ASB3: variants seen among roughly 807,000 people sequenced by gnomAD.
The protein encoded by ASB3 is ankyrin repeat and SOCS box protein 3.
Under a neutral mutation model 54.5 loss-of-function variants are expected in ASB3, and 41 were observed. That is an observed-to-expected ratio of 0.75 (90% confidence interval 0.59 to 0.98). ASB3 has a LOEUF of 0.98. Ranked by LOEUF, ASB3 falls within the 50% of genes least tolerant of loss-of-function variation. The pLI, the probability that ASB3 is intolerant of heterozygous loss-of-function variation, is 0.00. For missense variants in ASB3, 733 were observed against 620.0 expected, an observed-to-expected ratio of 1.18 and a Z score of -1.94; for synonymous variants, 266 against 221.2, an observed-to-expected ratio of 1.20 and a Z score of -1.80.
At chr2:53,717,177 T>C (rs866008068) in intron 5 of ASB3, among the ~76,000 whole-genome samples, 1 of 152,188 alleles carries the variant, frequency 6.6e-6, no homozygotes, top group African/African-American at 2.4e-5. Context: ...CAATCCCTCC[T>C]CCAACAAGCA....
chr2:53,774,376 G>A, intron 1 of ASB3: 1 of 1,613,386 alleles, frequency 6.2e-7, no homozygotes, highest in East Asian at 2.2e-5. Flanking sequence ...TAATGCAGCT[G>A]GTCCAAGTGG....
At chr2:53,785,678 A>C (rs1045566515) in intron 1 of ASB3, among the ~76,000 whole-genome samples, 6 of 152,038 alleles carry the variant, frequency 3.9e-5, no homozygotes, top group African/African-American at 1.5e-4. Flanking sequence ...CCCTGCCTCT[A>C]CTAAAAATAC....
intron 1 of ASB3, among the ~76,000 whole-genome samples, chr2:53,773,155 T>C (rs1674064716): frequency 6.6e-6 from 1 of 152,192 alleles, no homozygotes; most frequent in Non-Finnish European, 1.5e-5. Context: ...ATCTTCAAAT[T>C]GGTAACTTAT....
chr2:53,784,378 T>A (rs1488225914), intron 1 of ASB3, among the ~76,000 whole-genome samples: 1 of 152,090 alleles, frequency 6.6e-6, no homozygotes, highest in Admixed American at 6.6e-5. Context: ...TCTAAACTGG[T>A]TGAGACTTGT....
intron 7 of ASB3, among the ~76,000 whole-genome samples, chr2:53,706,163 A>G (rs79159850): frequency 0.1 from 15,663 of 152,258 alleles, 968 homozygotes; most frequent in Non-Finnish European, 0.14. Flanking sequence ...AATGAAGTGA[A>G]ATACCCAAAG....
chr2:53,699,214 G>T (rs1190326931), intron 8 of ASB3, among the ~76,000 whole-genome samples: 1 of 152,052 alleles, frequency 6.6e-6, no homozygotes. Context: ...TCCCATCACT[G>T]GGGCACCATC....
intron 1 of ASB3, chr2:53,767,753 T>C (rs1167670399): frequency 5.9e-6 from 6 of 1,022,444 alleles, no homozygotes; most frequent in East Asian, 5.2e-5. Flanking sequence ...AAACTCCCAG[T>C]GCGCTTTGCG....
At chr2:53,682,021 A>T (rs1184051854) in intron 9 of ASB3, among the ~76,000 whole-genome samples, 1 of 151,990 alleles carries the variant, frequency 6.6e-6, no homozygotes, top group East Asian at 1.9e-4. Context: ...TTAGCCAGGC[A>T]TGGTGGCACA....
chr2:53,674,910 G>C (rs1042187031), intron 9 of ASB3, among the ~76,000 whole-genome samples: 1 of 151,992 alleles, frequency 6.6e-6, no homozygotes, highest in African/African-American at 2.4e-5. Context: ...AAAACAATAG[G>C]AATGGCCAGT....
chr2:53,752,764 G>T (rs142983884), intron 2 of ASB3, among the ~76,000 whole-genome samples: 1 of 152,304 alleles, frequency 6.6e-6, no homozygotes, highest in East Asian at 1.9e-4. Flanking sequence ...ATGTCTTAAA[G>T]TTAGAAAAAG....
At chr2:53,774,083 T>C in intron 1 of ASB3, 1 of 1,477,514 alleles carries the variant, frequency 6.8e-7, no homozygotes, top group Non-Finnish European at 9.1e-7. Context: ...ATCACAACCT[T>C]TCTTCACCTA....
In ASB3 at chr2:53,708,363, T is replaced by C. The variant is rs116741936; in HGVS notation, c.980+6021A>G. 1.1e-3 allele frequency among the ~76,000 whole-genome samples: 167 copies of C among 152,368 alleles called. 2 individuals carry two copies. The highest frequency in any genetic ancestry group is 3.8e-3 in the African/African-American group (160 of 41,594). On this transcript the variant is annotated intron_variant, in intron 7 of 9. Transcript: ENST00000263634. ...AAAAGCTGAGCAGACACCAACATCA[T>C]GGTTCCTGTACAACCTGTGGAACTA...
chr2:53,670,758 A>T (rs1667769014), intron 9 of ASB3, 68 bp from the exon 10 acceptor site: 4 of 1,500,224 alleles, frequency 2.7e-6, no homozygotes, highest in Non-Finnish European at 3.6e-6. Flanking sequence ...ATAAAGGTAA[A>T]TTTTTTTTTC....
intron 5 of ASB3, among the ~76,000 whole-genome samples, chr2:53,721,224 A>G (rs1670689096): frequency 6.6e-6 from 1 of 151,668 alleles, no homozygotes; most frequent in Admixed American, 6.6e-5. Flanking sequence ...AATCAATACC[A>G]AGAAGATCTT....
chr2:53,756,205 TA>T (rs1672816285), intron 2 of ASB3, among the ~76,000 whole-genome samples: 1 of 151,964 alleles, frequency 6.6e-6, no homozygotes. Flanking sequence ...AAAAATAAGG[TA>T]AGTCTAGAAC....
Position 53,777,972 on chromosome 2 carries a change from C to G in ASB3, c.-14+8849G>C, listed in dbSNP as rs541409877. On this transcript the variant is annotated intron_variant, in intron 1 of 9. Transcript: ENST00000263634. ...GACCTGCCTGACCAATATGGTGAAA[C>G]CCCGTCTCTACCAAAAATACAAAAA... is the stretch of plus-strand genomic sequence containing the variant. 3.9e-5 allele frequency among the ~76,000 whole-genome samples: 6 copies of G among 151,950 alleles called. No homozygotes were observed. In the East Asian group the frequency reaches 1.2e-3, roughly 29 times the overall value.
rs557928595 is a variant in ASB3 at position 53,743,270 on chromosome 2, G to T, written c.355+7513C>A. Among the ~76,000 whole-genome samples the T allele has an allele frequency of 8.0e-5, 12 of 149,956 alleles. No homozygotes were observed. The South Asian group carries it at 1.9e-3, about 24-fold the overall frequency. On this transcript the variant is annotated intron_variant, in intron 3 of 9. Coordinates refer to ENST00000263634, the MANE Select transcript of ASB3 (RefSeq NM_016115.5). ...TCCTCTCACCTCAGCTTCCCAAAGT[G>T]CTGGGAATACACGCGTGAGCAACAG...
chr2:53,678,392 T>G (rs1024419552), intron 9 of ASB3, among the ~76,000 whole-genome samples: 7 of 152,234 alleles, frequency 4.6e-5, no homozygotes, highest in African/African-American at 1.7e-4. Context: ...AGAATGCAGC[T>G]CTACGATGAT....
At chr2:53,764,274 C>G (rs1036209630) in intron 2 of ASB3, among the ~76,000 whole-genome samples, 42 of 152,088 alleles carry the variant, frequency 2.8e-4, no homozygotes, top group African/African-American at 1.0e-3. Flanking sequence ...TAGTCAACCT[C>G]ATTTTAACTG....
Sources: allele counts gnomAD v4.1 joint callset (sites outside exome capture counted in the v4.1 genomes callset), GRCh38; gene constraint gnomAD v4.1.1; transcripts MANE v1.5; gene names NCBI Gene and HGNC (gene_info 2026-07-23, HGNC 2026-07-21).